The following SLC17A1 variants were observed in gnomAD, a reference collection of about 807,000 sequenced individuals.
SLC17A1 encodes solute carrier family 17 member 1, also known as sodium-dependent phosphate transport protein 1.
SLC17A1 carries 51 observed loss-of-function variants against 53.5 expected under a neutral mutation model. The observed-to-expected ratio is 0.95, with a 90% CI of 0.76 to 1.20. SLC17A1 has a LOEUF of 1.20. SLC17A1 is among the 50% of genes most tolerant of loss of function. The pLI is 0.00. For missense variants in SLC17A1, 538 were observed against 568.2 expected (o/e 0.95, Z 0.54); for synonymous variants, 179 against 198.8 (o/e 0.90, Z 0.84).
chr6:25,817,246 G>T (rs771819001), intron 6 of SLC17A1, among the ~76,000 whole-genome samples: 2 of 152,144 alleles, frequency 1.3e-5, no homozygotes, highest in Admixed American at 6.5e-5. Flanking sequence ...AGTTATTGTC[G>T]TATTCTTTAA....
At chr6:25,822,670 G>A (rs1461002972) in intron 3 of SLC17A1, among the ~76,000 whole-genome samples, 8 of 152,026 alleles carry the variant, frequency 5.3e-5, no homozygotes, top group African/African-American at 1.9e-4. Context: ...CCATAGTGAA[G>A]GCTCTAAAAT....
chr6:25,822,199 GT>G (rs745676849), intron 3 of SLC17A1, among the ~76,000 whole-genome samples: 115 of 152,122 alleles, frequency 7.6e-4, no homozygotes, highest in Non-Finnish European at 1.4e-3. Context: ...TAAAATATCT[GT>G]GTGTGTCTGT....
At chr6:25,736,181 A>G in the SLC17A1 span, among the ~76,000 whole-genome samples, 130 of 152,314 alleles carry the variant, frequency 8.5e-4, no homozygotes, top group African/African-American at 2.8e-3. Flanking sequence ...CTTCAGTCCC[A>G]GCAGCTTTTC....
rs1231344076 is a variant in SLC17A1 at position 25,811,766 on chromosome 6, C to A, written c.902G>T (p.Gly301Val). 6.2e-7 allele frequency: 1 copy of A among 1,613,562 alleles called. No homozygotes were observed. The highest frequency in any genetic ancestry group is 2.2e-5 in the East Asian group (1 of 44,868). ...CAAATAGGGAAGGGAAGACAAGAAC[C>A]CATTCTGAAGAGGAAACATTATTCT... is the stretch of plus-strand genomic sequence containing the variant. ...SMLHVNIKEN[G>V]FLSSLPYLFA... The change falls in exon 9 of 13, where the codon GGG (glycine) becomes GTG (valine). Residue 301 changes from glycine to valine, a missense_variant. Physicochemically the swap from Gly to Val is moderately radical, Grantham distance 109. Transcript: ENST00000244527.
the SLC17A1 span, among the ~76,000 whole-genome samples, chr6:25,738,267 C>T: frequency 6.6e-6 from 1 of 152,054 alleles, no homozygotes; most frequent in East Asian, 1.9e-4. Flanking sequence ...TAGTCCTACA[C>T]AAGTATGACC....
chr6:25,775,117 G>A, the SLC17A1 span, among the ~76,000 whole-genome samples: 13 of 152,020 alleles, frequency 8.6e-5, no homozygotes, highest in South Asian at 8.3e-4. Context: ...ATCATCTGAG[G>A]TCAGGTGTTT....
chr6:25,789,723 T>C (rs1581448008), intron 12 of SLC17A1, among the ~76,000 whole-genome samples: 1 of 152,306 alleles, frequency 6.6e-6, no homozygotes, highest in East Asian at 1.9e-4. Flanking sequence ...TCTAATCATG[T>C]CATCAAAGTC....
At chr6:25,813,315 CTCTT>C in intron 6 of SLC17A1, 102 bp from the exon 7 acceptor site, 1 of 943,906 alleles carries the variant, frequency 1.1e-6, no homozygotes, top group Admixed American at 2.1e-5. Flanking sequence ...ACTGGACCTC[CTCTT>C]TCTTTTTTGA....
chr6:25,725,745 C>A, the SLC17A1 span, among the ~76,000 whole-genome samples: 690 of 152,224 alleles, frequency 4.5e-3, 6 homozygotes, highest in South Asian at 0.014. Context: ...GGACTACAGG[C>A]CTGCATCACC....
At chr6:25,797,144 A>G (rs1483620187) in intron 12 of SLC17A1, among the ~76,000 whole-genome samples, 1 of 152,226 alleles carries the variant, frequency 6.6e-6, no homozygotes, top group Admixed American at 6.5e-5. Flanking sequence ...GAAACAAACA[A>G]AAAACAAACA....
the SLC17A1 span, chr6:25,732,658 G>C: frequency 2.1e-5 from 28 of 1,331,336 alleles, no homozygotes; most frequent in Non-Finnish European, 2.6e-5. Context: ...ACAAGAAGAA[G>C]ACCCGCATCA....
intron 12 of SLC17A1, among the ~76,000 whole-genome samples, chr6:25,790,613 A>G (rs147178284): frequency 4.2e-4 from 64 of 152,324 alleles, no homozygotes; most frequent in Non-Finnish European, 6.9e-4. Flanking sequence ...AAAGAAAAAT[A>G]TGCAATCATC....
At chr6:25,752,915 G>A in the SLC17A1 span, among the ~76,000 whole-genome samples, 1 of 151,336 alleles carries the variant, frequency 6.6e-6, no homozygotes, top group East Asian at 1.9e-4. Flanking sequence ...TCACGCCACT[G>A]CAGTCCAGCC....
the SLC17A1 span, among the ~76,000 whole-genome samples, chr6:25,725,540 C>A: frequency 3.3e-5 from 5 of 152,156 alleles, no homozygotes. Flanking sequence ...GAAGATTACA[C>A]CTCTCCTGCT....
At chr6:25,795,880 CAA>C (rs1376256718) in intron 12 of SLC17A1, among the ~76,000 whole-genome samples, 1 of 152,090 alleles carries the variant, frequency 6.6e-6, no homozygotes, top group African/African-American at 2.4e-5. Context: ...ATATACTTGT[CAA>C]AGTCTTTTTG....
At chr6:25,734,572 T>C in the SLC17A1 span, among the ~76,000 whole-genome samples, 30,837 of 152,144 alleles carry the variant, frequency 0.2, 3,372 homozygotes, top group Middle Eastern at 0.26. Context: ...TAAGTAAATA[T>C]ACACAAATCT....
At chr6:25,829,915 C>A (rs948620399) in intron 2 of SLC17A1, among the ~76,000 whole-genome samples, 2 of 151,866 alleles carry the variant, frequency 1.3e-5, no homozygotes, top group African/African-American at 4.8e-5. Flanking sequence ...AAATGGACAA[C>A]TTAAACAATC....
the SLC17A1 span, among the ~76,000 whole-genome samples, chr6:25,760,591 A>G: frequency 1.3e-5 from 2 of 152,112 alleles, no homozygotes; most frequent in African/African-American, 2.4e-5. Flanking sequence ...TTGTCCTCCT[A>G]GAAGTCCTAT....
intron 1 of SLC17A1, among the ~76,000 whole-genome samples, chr6:25,831,360 G>A (rs1047272053): frequency 3.3e-5 from 5 of 152,164 alleles, no homozygotes; most frequent in African/African-American, 4.8e-5. Context: ...AAAGTCCTGA[G>A]ATTGGATTTG....
Sources: gnomAD v4.1 joint callset for allele counts (sites outside exome capture counted in the v4.1 genomes callset) on GRCh38, gnomAD v4.1.1 for gene constraint, MANE v1.5 for transcripts, NCBI Gene and HGNC (gene_info 2026-07-23, HGNC 2026-07-21) for gene names.